The following USP7 variants were observed in gnomAD, a reference collection of about 807,000 sequenced individuals.
USP7 encodes ubiquitin specific peptidase 7.
In USP7, 9 loss-of-function variants were observed where a neutral mutation model predicts 162.9. That is an observed-to-expected ratio of 0.06 (90% confidence interval 0.03 to 0.10). USP7 has a LOEUF of 0.10. Among genes scored for constraint, USP7 ranks in the 10% least tolerant of loss-of-function variants. The pLI, the probability that USP7 is intolerant of heterozygous loss-of-function variation, is 1.00. For missense variants in USP7, 715 were observed against 1,373.7 expected, an observed-to-expected ratio of 0.52 and a Z score of 7.58; for synonymous variants, 562 against 475.9, an observed-to-expected ratio of 1.18 and a Z score of -2.35.
At chr16:8,923,842 A>T (rs567918404) in intron 2 of USP7, among the ~76,000 whole-genome samples, 1 of 152,336 alleles carries the variant, frequency 6.6e-6, no homozygotes, top group East Asian at 1.9e-4. Context: ...AGAGCACGGA[A>T]CACACAGGCA....
At chr16:8,939,515 T>A (rs1898933733) in intron 1 of USP7, among the ~76,000 whole-genome samples, 1 of 152,246 alleles carries the variant, frequency 6.6e-6, no homozygotes, top group African/African-American at 2.4e-5. Context: ...GGTTTCTATT[T>A]ATTTCTACTT....
At chr16:8,924,858 A>C (rs1241483934) in intron 2 of USP7, among the ~76,000 whole-genome samples, 1 of 152,202 alleles carries the variant, frequency 6.6e-6, no homozygotes, top group East Asian at 1.9e-4. Context: ...ATTTCACATA[A>C]CCCTGCTGAG....
chr16:8,951,599 G>A (rs888158034), intron 1 of USP7, among the ~76,000 whole-genome samples: 1 of 152,162 alleles, frequency 6.6e-6, no homozygotes, highest in Non-Finnish European at 1.5e-5. Flanking sequence ...GGACCTGAGC[G>A]CATGAGGCTA....
intron 15 of USP7, 39 bp from the exon 16 acceptor site, chr16:8,903,441 C>A (rs77912250): frequency 7.5e-6 from 12 of 1,593,978 alleles, no homozygotes; most frequent in Admixed American, 3.5e-5. Context: ...GACTTGACAA[C>A]TGACAAAAAA....
chr16:8,910,938 CAACACT>C, intron 10 of USP7, 111 bp from the exon 11 acceptor site: 1 of 865,896 alleles, frequency 1.2e-6, no homozygotes, highest in Non-Finnish European at 1.9e-6. Flanking sequence ...AGAAGGTAAA[CAACACT>C]AACAGTAACT....
chr16:8,946,290 C>T (rs530812652), intron 1 of USP7, among the ~76,000 whole-genome samples: 10 of 152,006 alleles, frequency 6.6e-5, no homozygotes, highest in Non-Finnish European at 1.3e-4. Context: ...ACAACAACAA[C>T]AAAAAAATGG....
chr16:8,927,792 TGCCACTGTACTCTA>T (rs1346291179), intron 2 of USP7, among the ~76,000 whole-genome samples: 2 of 152,172 alleles, frequency 1.3e-5, no homozygotes, highest in Non-Finnish European at 1.5e-5. Context: ...GCTGAGATCT[TGCCACTGTACTCTA>T]GCCTGGGCGA....
chr16:8,928,334 C>G (rs1555467309), intron 2 of USP7, among the ~76,000 whole-genome samples: 1 of 152,000 alleles, frequency 6.6e-6, no homozygotes, highest in Non-Finnish European at 1.5e-5. Context: ...GGACACAGGA[C>G]ACTCAAAAAA....
chr16:8,948,883 T>C (rs1283610109), intron 1 of USP7, among the ~76,000 whole-genome samples: 2 of 152,080 alleles, frequency 1.3e-5, no homozygotes, highest in African/African-American at 4.8e-5. Context: ...AGGATGGCTT[T>C]GGCCCAGGAG....
intron 2 of USP7, among the ~76,000 whole-genome samples, chr16:8,929,086 G>C (rs771732431): frequency 5.3e-5 from 8 of 151,914 alleles, no homozygotes; most frequent in Non-Finnish European, 8.8e-5. Flanking sequence ...TGTTGGAACA[G>C]ATTGCTCTGT....
chr16:8,905,832 C>T (rs1332489843), intron 13 of USP7, among the ~76,000 whole-genome samples: 1 of 152,216 alleles, frequency 6.6e-6, no homozygotes, highest in African/African-American at 2.4e-5. Context: ...TTCCCATCTG[C>T]GTTGTGGATG....
intron 10 of USP7, among the ~76,000 whole-genome samples, chr16:8,911,955 G>C (rs1421561722): frequency 6.6e-6 from 1 of 152,166 alleles, no homozygotes; most frequent in Non-Finnish European, 1.5e-5. Context: ...GGGAGACTCA[G>C]CTAACAACTG....
Position 8,919,143 on chromosome 16 carries a change from A to T in USP7, c.612-4T>A, listed in dbSNP as rs1023563501. 6.2e-7 allele frequency: 1 copy of T among 1,613,934 alleles called. No homozygotes were observed. The highest frequency in any genetic ancestry group is 1.3e-5 in the African/African-American group (1 of 74,998). On this transcript the variant is annotated splice_region_variant and splice_polypyrimidine_tract_variant and intron_variant, in intron 5 of 30. Coordinates refer to ENST00000344836, the MANE Select transcript of USP7 (RefSeq NM_003470.3). The stretch of plus-strand genomic sequence containing the variant: ...TGTGTGCTTCTTTGAATCCCACCTG[A>T]AAGATCAGTTCAAGGTTGAGGGGAT...
At chr16:8,952,735 A>T (rs1899612957) in intron 1 of USP7, among the ~76,000 whole-genome samples, 1 of 152,094 alleles carries the variant, frequency 6.6e-6, no homozygotes, top group South Asian at 2.1e-4. Context: ...CGGGGATGGG[A>T]GCATCATTCT....
At chr16:8,947,370 C>A (rs1004905094) in intron 1 of USP7, among the ~76,000 whole-genome samples, 1 of 151,988 alleles carries the variant, frequency 6.6e-6, no homozygotes, top group Non-Finnish European at 1.5e-5. Context: ...CACACACACA[C>A]AGGGTCTCAC....
At chr16:8,897,573 T>C (rs1441012195) in intron 25 of USP7, among the ~76,000 whole-genome samples, 1 of 151,176 alleles carries the variant, frequency 6.6e-6, no homozygotes, top group East Asian at 1.9e-4. Flanking sequence ...TAAATAGGCA[T>C]GCAGACTTTT....
At chr16:8,903,976 C>G (rs2061819744) in intron 15 of USP7, among the ~76,000 whole-genome samples, 1 of 152,146 alleles carries the variant, frequency 6.6e-6, no homozygotes, top group Non-Finnish European at 1.5e-5. Context: ...GTGAGATGAC[C>G]TCCTCCCTTT....
At chr16:8,901,117 G>C in intron 19 of USP7, 25 bp downstream of exon 19, 1 of 1,612,452 alleles carries the variant, frequency 6.2e-7, no homozygotes, top group Non-Finnish European at 8.5e-7. Flanking sequence ...AATCTACTCA[G>C]AAGGTAAGTG....
chr16:8,905,038 C>G (rs1204651299), intron 14 of USP7, 149 bp downstream of exon 14: 1 of 899,264 alleles, frequency 1.1e-6, no homozygotes. Flanking sequence ...TCGAAACGCG[C>G]AAGCCCAACC....
Sources: gnomAD v4.1 joint callset for allele counts (sites outside exome capture counted in the v4.1 genomes callset) on GRCh38, gnomAD v4.1.1 for gene constraint, MANE v1.5 for transcripts, NCBI Gene and HGNC (gene_info 2026-07-23, HGNC 2026-07-21) for gene names.